Variants in RGS7 observed in about 807,000 individuals in gnomAD.
RGS7 encodes the protein regulator of G-protein signaling 7.
RGS7 carries 27 observed loss-of-function variants against 81.1 expected under a neutral mutation model. The observed-to-expected ratio is 0.33, with a 90% CI of 0.25 to 0.46. RGS7 has a LOEUF of 0.46. Among genes scored for constraint, RGS7 ranks in the 20% least tolerant of loss-of-function variants. The probability of loss-of-function intolerance (pLI) is 1.00; values close to 1 mark genes in which losing one functional copy is unlikely to be tolerated. For missense variants in RGS7, 396 were observed against 607.4 expected (o/e 0.65, Z 3.66); for synonymous variants, 208 against 207.7 (o/e 1.00, Z -0.01).
intron 2 of RGS7, among the ~76,000 whole-genome samples, chr1:241,354,015 T>A (rs547906720): frequency 1.1e-4 from 16 of 152,292 alleles, no homozygotes; most frequent in African/African-American, 3.8e-4. Context: ...GTGTCCAATC[T>A]ACTCAGTCCT....
intron 2 of RGS7, among the ~76,000 whole-genome samples, chr1:241,208,235 AG>A (rs1243617387): frequency 6.6e-6 from 1 of 152,136 alleles, no homozygotes; most frequent in Non-Finnish European, 1.5e-5. Flanking sequence ...TAGAAAGAGT[AG>A]TAATTCTTGC....
At chr1:241,220,997 GA>G (rs58597340) in intron 2 of RGS7, among the ~76,000 whole-genome samples, 10,539 of 89,028 alleles carry the variant, frequency 0.12, 967 homozygotes, top group Non-Finnish European at 0.16. Flanking sequence ...AAGGAAGGAA[GA>G]GAGAGAGAAA....
At position 241,355,070 on chromosome 1, in the gene RGS7, A is replaced by G. The variant is rs558835741; in HGVS notation, c.78+629T>C. ...AGGCTGTCAAATCTATTTGTGGCCA[A>G]AAAAAAGCAACTCTGCAAGATAAAT... On this transcript the variant is annotated intron_variant, in intron 2 of 18. Transcript: ENST00000440928. Among the ~76,000 whole-genome samples, 132 of 152,240 alleles carry G rather than the reference A, an allele frequency of 8.7e-4. 1 individual carries two copies. Among genetic ancestry groups the G allele is most frequent in the African/African-American group, 2.9e-3 (120 of 41,570 alleles).
intron 3 of RGS7, among the ~76,000 whole-genome samples, chr1:241,025,386 ATT>A (rs913061782): frequency 1.2e-4 from 19 of 152,220 alleles, no homozygotes; most frequent in African/African-American, 4.1e-4. Flanking sequence ...TACAAAAATT[ATT>A]TTAGATATTA....
At chr1:240,865,718 A>T (rs1663109456) in intron 9 of RGS7, among the ~76,000 whole-genome samples, 1 of 152,226 alleles carries the variant, frequency 6.6e-6, no homozygotes, top group Non-Finnish European at 1.5e-5. Flanking sequence ...CTAGGGACAA[A>T]TGTAAAAGTG....
intron 2 of RGS7, among the ~76,000 whole-genome samples, chr1:241,142,664 C>T (rs2068018396): frequency 6.6e-6 from 1 of 152,194 alleles, no homozygotes; most frequent in Non-Finnish European, 1.5e-5. Context: ...ACTTTTCCTC[C>T]TAGGCCTCCA....
At chr1:241,247,285 T>G (rs1436542992) in intron 2 of RGS7, among the ~76,000 whole-genome samples, 1 of 152,220 alleles carries the variant, frequency 6.6e-6, no homozygotes, top group Non-Finnish European at 1.5e-5. Flanking sequence ...CAAGTTCTAC[T>G]TCCTCATTTA....
chr1:241,306,591 C>T (rs1208793045), intron 2 of RGS7, among the ~76,000 whole-genome samples: 1 of 151,420 alleles, frequency 6.6e-6, no homozygotes, highest in Non-Finnish European at 1.5e-5. Flanking sequence ...CAAACCCTTA[C>T]ACACACACCT....
At chr1:240,785,143 C>A (rs1326388373) in intron 18 of RGS7, among the ~76,000 whole-genome samples, 2 of 152,156 alleles carry the variant, frequency 1.3e-5, no homozygotes, top group Non-Finnish European at 2.9e-5. Context: ...TGAAAATTCC[C>A]GTTTCACTTA....
chr1:241,277,786 T>C (rs532805346), intron 2 of RGS7, among the ~76,000 whole-genome samples: 99 of 152,270 alleles, frequency 6.5e-4, no homozygotes, highest in Non-Finnish European at 1.2e-3. Context: ...AGAAGAAAGA[T>C]GCATTTGTTT....
intron 4 of RGS7, among the ~76,000 whole-genome samples, chr1:240,944,282 GTATATA>G (rs760788169): frequency 0.041 from 2,259 of 55,168 alleles, 42 homozygotes; most frequent in Non-Finnish European, 0.046. Flanking sequence ...GTGTGTGTGT[GTATATA>G]TATATATATA....
intron 3 of RGS7, among the ~76,000 whole-genome samples, chr1:241,002,010 G>T (rs1264255447): frequency 6.6e-6 from 1 of 152,140 alleles, no homozygotes; most frequent in East Asian, 1.9e-4. Flanking sequence ...GAGGTTCACT[G>T]AACCGTAACA....
At chr1:241,082,468 T>A (rs2148899118) in intron 3 of RGS7, among the ~76,000 whole-genome samples, 1 of 152,288 alleles carries the variant, frequency 6.6e-6, no homozygotes, top group Middle Eastern at 3.4e-3. Context: ...CTGGTGAAAA[T>A]AAGTCAGAGC....
At chr1:241,248,693 T>G (rs900542146) in intron 2 of RGS7, among the ~76,000 whole-genome samples, 1 of 152,146 alleles carries the variant, frequency 6.6e-6, no homozygotes, top group Non-Finnish European at 1.5e-5. Flanking sequence ...AGTGAACATA[T>G]GCATCCTTAA....
intron 2 of RGS7, among the ~76,000 whole-genome samples, chr1:241,155,814 C>A (rs2069083389): frequency 1.3e-5 from 2 of 151,990 alleles, no homozygotes; most frequent in African/African-American, 4.8e-5. Context: ...TTTTAAAAAT[C>A]TCATATTTAG....
chr1:241,278,064 C>T (rs1032860871), intron 2 of RGS7, among the ~76,000 whole-genome samples: 1 of 152,120 alleles, frequency 6.6e-6, no homozygotes, highest in Admixed American at 6.5e-5. Flanking sequence ...TTCTCAGTGC[C>T]GTCACAGCGA....
At chr1:241,270,822 C>T (rs1402463230) in intron 2 of RGS7, among the ~76,000 whole-genome samples, 5 of 151,496 alleles carry the variant, frequency 3.3e-5, no homozygotes, top group Non-Finnish European at 5.9e-5. Context: ...CAGTTGGCGC[C>T]ATCTTGGTTC....
At chr1:241,209,157 T>C (rs2074098659) in intron 2 of RGS7, among the ~76,000 whole-genome samples, 7 of 152,174 alleles carry the variant, frequency 4.6e-5, no homozygotes, top group Admixed American at 4.6e-4. Flanking sequence ...CGCAGGGCAC[T>C]GTCTGGGGCA....
intron 2 of RGS7, among the ~76,000 whole-genome samples, chr1:241,203,737 C>T (rs2073685117): frequency 6.6e-6 from 1 of 152,178 alleles, no homozygotes; most frequent in Non-Finnish European, 1.5e-5. Context: ...AGTGCCATAA[C>T]TCCACAACTC....
Sources: gnomAD v4.1 joint callset for allele counts (sites outside exome capture counted in the v4.1 genomes callset) on GRCh38, gnomAD v4.1.1 for gene constraint, MANE v1.5 for transcripts, NCBI Gene and HGNC (gene_info 2026-07-23, HGNC 2026-07-21) for gene names.